MAP3K9: variants seen among roughly 807,000 people sequenced by gnomAD.
MAP3K9 encodes the protein mitogen-activated protein kinase kinase kinase 9.
In MAP3K9, 46 loss-of-function variants were observed where a neutral mutation model predicts 95.8. The ratio of observed to expected loss-of-function variants is 0.48; its 90% CI spans 0.38 to 0.61. The LOEUF (loss-of-function observed/expected upper bound fraction) is 0.61. Among genes scored for constraint, MAP3K9 ranks in the 20% least tolerant of loss-of-function variants. The pLI is 0.00. For missense variants in MAP3K9, 1,296 were observed against 1,474.3 expected, an observed-to-expected ratio of 0.88 and a Z score of 1.98; for synonymous variants, 533 against 593.8, an observed-to-expected ratio of 0.90 and a Z score of 1.49.
At chr14:70,764,414 A>T (rs538872038) in intron 2 of MAP3K9, among the ~76,000 whole-genome samples, 2 of 150,480 alleles carry the variant, frequency 1.3e-5, no homozygotes, top group East Asian at 3.9e-4. Context: ...AAAAAAGTTT[A>T]AAATGTAAAA....
At chr14:70,753,637 G>A (rs55980641) in intron 3 of MAP3K9, among the ~76,000 whole-genome samples, 10 of 152,110 alleles carry the variant, frequency 6.6e-5, no homozygotes, top group African/African-American at 1.4e-4. Flanking sequence ...GGAAGAACTC[G>A]TTCAGCTAAG....
At chr14:70,794,597 T>A (rs1182141176) in intron 2 of MAP3K9, among the ~76,000 whole-genome samples, 1 of 151,936 alleles carries the variant, frequency 6.6e-6, no homozygotes, top group Non-Finnish European at 1.5e-5. Flanking sequence ...GGGGTAAAAA[T>A]AAACATGCAA....
intron 2 of MAP3K9, among the ~76,000 whole-genome samples, chr14:70,791,424 GGAA>G (rs1416798451): frequency 1.3e-5 from 2 of 152,182 alleles, no homozygotes; most frequent in East Asian, 3.8e-4. Context: ...TGATGAAATA[GGAA>G]GAAGAGGCAG....
intron 4 of MAP3K9, 189 bp downstream of exon 4, chr14:70,749,744 T>A (rs1355931772): frequency 3.3e-6 from 2 of 606,152 alleles, no homozygotes; most frequent in South Asian, 4.8e-5. Flanking sequence ...CCTGGAGATA[T>A]GACTGCTTGC....
intron 2 of MAP3K9, among the ~76,000 whole-genome samples, chr14:70,793,917 G>A (rs949317719): frequency 6.6e-6 from 1 of 152,212 alleles, no homozygotes; most frequent in African/African-American, 2.4e-5. Context: ...CTGGATGGCA[G>A]TTGAACTTGC....
chr14:70,752,253 T>C (rs1483292164), intron 3 of MAP3K9, among the ~76,000 whole-genome samples: 2 of 152,182 alleles, frequency 1.3e-5, no homozygotes, highest in East Asian at 3.9e-4. Flanking sequence ...TGGGCTGCCA[T>C]GTATTGTAGC....
intron 5 of MAP3K9, among the ~76,000 whole-genome samples, chr14:70,745,379 G>A (rs1315321984): frequency 6.6e-6 from 1 of 152,180 alleles, no homozygotes; most frequent in African/African-American, 2.4e-5. Flanking sequence ...ACAATATTCT[G>A]ATGCTATAAA....
At chr14:70,748,479 T>C (rs1243900437) in intron 5 of MAP3K9, among the ~76,000 whole-genome samples, 2 of 152,270 alleles carry the variant, frequency 1.3e-5, no homozygotes, top group East Asian at 3.8e-4. Flanking sequence ...GATGTTCTGA[T>C]AACTATCCTC....
intron 2 of MAP3K9, among the ~76,000 whole-genome samples, chr14:70,771,057 T>C (rs2054525626): frequency 6.6e-6 from 1 of 152,054 alleles, no homozygotes; most frequent in Non-Finnish European, 1.5e-5. Flanking sequence ...TTGCTTTTTT[T>C]TTTTGCTTTC....
Position 70,808,847 on chromosome 14 carries a change from T to C in MAP3K9, c.325A>G (p.Asn109Asp). The C allele has an allele frequency of 6.3e-7, 1 of 1,599,508 alleles. No individual in the cohort carries two copies. Among genetic ancestry groups the C allele is most frequent in the Non-Finnish European group, 8.5e-7 (1 of 1,175,638 alleles). ...AAGGCGCTGCGCGGGGTCACGTAGTTGCTGGGGAAGATGCCCACCCGCTGG... is the reference window on the plus strand; with the variant it reads ...AAGGCGCTGCGCGGGGTCACGTAGTCGCTGGGGAAGATGCCCACCCGCTGG... ...LNQRVGIFPS[N>D]YVTPRSAFSS... The change falls in exon 1 of 12, where the codon AAC becomes GAC. Residue 109 changes from asparagine (N) to aspartate (D), a missense_variant. This residue lies in a region of MAP3K9 where 338 missense variants were observed against 363.4 expected (regional missense o/e 0.93). Coordinates refer to ENST00000554752, the MANE Select transcript of MAP3K9 (RefSeq NM_001284230.2).
intron 5 of MAP3K9, among the ~76,000 whole-genome samples, chr14:70,746,282 C>G (rs2054145712): frequency 6.6e-6 from 1 of 152,142 alleles, no homozygotes; most frequent in Non-Finnish European, 1.5e-5. Context: ...TAGGTTGATC[C>G]AACCTGAGGA....
intron 7 of MAP3K9, 128 bp from the exon 8 acceptor site, chr14:70,738,526 C>G (rs2054018741): frequency 2.5e-6 from 2 of 787,914 alleles, no homozygotes; most frequent in Non-Finnish European, 4.0e-6. Flanking sequence ...ATCAAAAACT[C>G]TGTGCCCAAG....
At chr14:70,806,687 A>C (rs1276578030) in intron 1 of MAP3K9, among the ~76,000 whole-genome samples, 4 of 152,220 alleles carry the variant, frequency 2.6e-5, no homozygotes, top group Non-Finnish European at 5.9e-5. Context: ...TTTCAGCCTA[A>C]GTCATACTGA....
chr14:70,787,483 G>A lies in MAP3K9; in HGVS notation c.820+13184C>T, dbSNP rs932251047. Among the ~76,000 whole-genome samples, 24 of 149,618 alleles carry A rather than the reference G, an allele frequency of 1.6e-4. 1 individual carries two copies. Among genetic ancestry groups the A allele is most frequent in the African/African-American group, 9.9e-5 (4 of 40,448 alleles). On this transcript the variant is annotated intron_variant, in intron 2 of 11. Coordinates refer to ENST00000554752, the MANE Select transcript of MAP3K9 (RefSeq NM_001284230.2). ...AGATGGCACCACTGCACACCAGCTC[G>A]GGCAACAGTACAAGACTCTGTCTCA...
intron 5 of MAP3K9, among the ~76,000 whole-genome samples, chr14:70,746,595 T>C (rs1208834794): frequency 6.6e-6 from 1 of 152,256 alleles, no homozygotes; most frequent in Non-Finnish European, 1.5e-5. Flanking sequence ...TCACCATCAT[T>C]AACTGTGTGG....
chr14:70,794,722 G>T (rs1045968581), intron 2 of MAP3K9, among the ~76,000 whole-genome samples: 1 of 150,890 alleles, frequency 6.6e-6, no homozygotes. Flanking sequence ...CTGTCACCCA[G>T]GCTGGAGTGC....
chr14:70,795,204 G>A (rs779671335), intron 2 of MAP3K9, among the ~76,000 whole-genome samples: 4 of 151,390 alleles, frequency 2.6e-5, no homozygotes, highest in Non-Finnish European at 5.9e-5. Flanking sequence ...CACTATGATG[G>A]CCAGGCTGGT....
At chr14:70,742,283 C>A in intron 6 of MAP3K9, 68 bp downstream of exon 6, 1 of 1,570,578 alleles carries the variant, frequency 6.4e-7, no homozygotes, top group Non-Finnish European at 8.6e-7. Context: ...TCCCGGACTC[C>A]CTCAAACCCT....
In MAP3K9 at chr14:70,730,474, C is replaced by G. The variant is rs750551594; in HGVS notation, c.3221G>C (p.Gly1074Ala). The G allele has an allele frequency of 4.3e-6, 7 of 1,614,148 alleles. No homozygotes were observed. The Admixed American group carries it at 1.0e-4, about 23-fold the overall frequency. Residue 1074 changes from glycine to alanine, a missense_variant, in exon 12 of 12, where the codon GGG (glycine) becomes GCG (alanine). Physicochemically the swap from Gly to Ala is moderately conservative, Grantham distance 60 (BLOSUM62 0). This residue lies in a region of MAP3K9 where 433 missense variants were observed against 441.4 expected (regional missense o/e 0.98). Coordinates refer to ENST00000554752, the MANE Select transcript of MAP3K9 (RefSeq NM_001284230.2). Reference sequence around the variant, plus strand: ...CGGCACGGTGCTGTCCTGACTCTGCCCCTCTGCATCCAGGTCCAGGAGCGT... The same window carrying G: ...CGGCACGGTGCTGTCCTGACTCTGCGCCTCTGCATCCAGGTCCAGGAGCGT... ...ERTLLDLDAE[G>A]QSQDSTVPLC...
Sources: allele counts gnomAD v4.1 joint callset (sites outside exome capture counted in the v4.1 genomes callset), GRCh38; gene constraint gnomAD v4.1.1; regional missense constraint gnomAD v4.1.1; transcripts MANE v1.5; gene names NCBI Gene and HGNC (gene_info 2026-07-23, HGNC 2026-07-21).